CIB1: variants seen among roughly 807,000 people sequenced by gnomAD.
CIB1 encodes calcium and integrin-binding protein 1.
A neutral mutation model predicts 25.0 loss-of-function variants in CIB1; 19 were observed. The ratio of observed to expected loss-of-function variants is 0.76; its 90% CI spans 0.53 to 1.12. The LOEUF is 1.12. Among genes scored for constraint, CIB1 ranks in the 50% most tolerant of loss-of-function variants. The pLI is 0.00. For synonymous variants in CIB1, 104 were observed against 98.5 expected, an observed-to-expected ratio of 1.06 and a Z score of -0.33; for missense variants, 236 against 242.6, an observed-to-expected ratio of 0.97 and a Z score of 0.18.
the CIB1 span, chr15:90,242,084 A>G: frequency 6.4e-7 from 1 of 1,571,996 alleles, no homozygotes; most frequent in Non-Finnish European, 8.6e-7. Context: ...GGATGTATTT[A>G]TGTTCTTTTT....
the CIB1 span, chr15:90,256,039 G>T: frequency 1.9e-6 from 3 of 1,553,416 alleles, no homozygotes; most frequent in Non-Finnish European, 2.6e-6. Flanking sequence ...GAGACTGAGT[G>T]CTCCAGGAAG....
chr15:90,233,717 C>T lies in CIB1; in HGVS notation c.52-14G>A, dbSNP rs1775545121. On this transcript the variant is annotated splice_polypyrimidine_tract_variant and intron_variant, in intron 1 of 6. Transcript: ENST00000328649. ...GAACGTCAAGTCCTGGAAGGCAAAG[C>T]CAGAGCGGGGATTAGCGGACCGCTG... 1.9e-6 allele frequency: 3 copies of T among 1,569,252 alleles called. No individual in the cohort carries two copies. Among genetic ancestry groups the T allele is most frequent in the Middle Eastern group, 1.7e-4 (1 of 5,774 alleles).
the CIB1 span, chr15:90,263,825 C>T: frequency 2.7e-6 from 2 of 734,282 alleles, no homozygotes; most frequent in Admixed American, 2.0e-5. Flanking sequence ...GGGGCTGCCA[C>T]AGAGCAGGGC....
At position 90,233,658 on chromosome 15, in the gene CIB1, G is replaced by A; in HGVS notation, c.86+11C>T. On this transcript the variant is annotated intron_variant, in intron 2 of 6. Coordinates refer to ENST00000328649, the MANE Select transcript of CIB1 (RefSeq NM_006384.4). Reference sequence around the variant, plus strand: ...CCCGGGGTCGGAGGCAGGGTTCAAGGCAGCACTTACAGGAGGATCTCCTGC... The same window carrying A: ...CCCGGGGTCGGAGGCAGGGTTCAAGACAGCACTTACAGGAGGATCTCCTGC... 1 of 1,575,120 alleles carries A rather than the reference G, an allele frequency of 6.3e-7. No homozygotes were observed. The highest frequency in any genetic ancestry group is 8.6e-7 in the Non-Finnish European group (1 of 1,160,030).
chr15:90,256,552 T>TCTTTCTCTTTCTTTCTTC, the CIB1 span, among the ~76,000 whole-genome samples: 1 of 26,508 alleles, frequency 3.8e-5, no homozygotes, highest in African/African-American at 1.8e-4. Flanking sequence ...CCTTTTTCTT[T>TCTTTCTCTTTCTTTCTTC]CTTTCTTTCT....
At chr15:90,243,422 CT>C in the CIB1 span, 3 of 152,204 alleles carry the variant, frequency 2.0e-5, no homozygotes, top group Non-Finnish European at 4.4e-5. Flanking sequence ...TCACAGCTCA[CT>C]GCAGACCCAA....
the CIB1 span, chr15:90,262,055 T>TA: frequency 1.2e-4 from 177 of 1,535,868 alleles, no homozygotes; most frequent in Admixed American, 3.3e-4. Context: ...CCAGGAACGA[T>TA]ATGAGGATTC....
At position 90,232,086 on chromosome 15, in the gene CIB1, C is replaced by T. The variant is rs61377466; in HGVS notation, c.195+133G>A. The T allele has an allele frequency of 8.1e-3, 5,566 of 688,578 alleles. 199 individuals carry two copies. Among genetic ancestry groups the T allele is most frequent in the African/African-American group, 0.079 (4,414 of 55,528 alleles). 42.7% of individuals were successfully genotyped at this position (688,578 alleles called of 1,614,324 possible). ...GGTAAAGTCCTTGCCCCTAGAAAAT[C>T]AGAACTAAGCAGAAAAATGACCAGA... On this transcript the variant is annotated intron_variant, in intron 3 of 6. Coordinates refer to ENST00000328649, the MANE Select transcript of CIB1 (RefSeq NM_006384.4).
the CIB1 span, chr15:90,253,275 C>A: frequency 3.1e-6 from 5 of 1,613,938 alleles, no homozygotes; most frequent in Non-Finnish European, 4.2e-6. Context: ...AATGTGTGGC[C>A]TGAAGGAGGT....
the CIB1 span, among the ~76,000 whole-genome samples, chr15:90,259,743 A>C: frequency 6.6e-6 from 1 of 152,218 alleles, no homozygotes; most frequent in African/African-American, 2.4e-5. Context: ...ACTTTGTCAT[A>C]AAGAAACACA....
At chr15:90,236,014 A>G (rs1204254319), upstream of CIB1, 2 of 152,076 alleles carry the variant, frequency 1.3e-5, no homozygotes, top group African/African-American at 4.8e-5. Context: ...CAAGGCGAAT[A>G]CCTGGACTGC....
At chr15:90,234,064 C>T (rs1183671448), upstream of CIB1, 24 of 684,328 alleles carry the variant, frequency 3.5e-5, no homozygotes, top group Non-Finnish European at 5.4e-5. Context: ...GGCAGGCGAG[C>T]TGCCGGCTCC....
At chr15:90,243,922 G>A in the CIB1 span, 1 of 150,432 alleles carries the variant, frequency 6.6e-6, no homozygotes, top group Non-Finnish European at 1.5e-5. Flanking sequence ...TTATAGGCAT[G>A]AGCCACTGCA....
chr15:90,261,123 G>A, the CIB1 span, among the ~76,000 whole-genome samples: 1 of 144,402 alleles, frequency 6.9e-6, no homozygotes, highest in Admixed American at 7.1e-5. Flanking sequence ...CTGTCATCTA[G>A]GCTGGAGTGC....
At chr15:90,250,010 T>G in the CIB1 span, among the ~76,000 whole-genome samples, 1 of 151,788 alleles carries the variant, frequency 6.6e-6, no homozygotes, top group African/African-American at 2.4e-5. Flanking sequence ...CAGGCTGGAG[T>G]GCAGTGGTGT....
At chr15:90,255,753 A>T in the CIB1 span, 6 of 1,614,190 alleles carry the variant, frequency 3.7e-6, no homozygotes, top group Non-Finnish European at 5.1e-6. Flanking sequence ...GCTGTGTTTC[A>T]GAAAATCAAC....
the CIB1 span, chr15:90,258,172 G>A: frequency 6.2e-7 from 1 of 1,614,240 alleles, no homozygotes; most frequent in African/African-American, 1.3e-5. Context: ...TACCGAACCT[G>A]TTTTCCCCAG....
the CIB1 span, chr15:90,263,884 A>G: frequency 9.0e-7 from 1 of 1,112,266 alleles, no homozygotes; most frequent in Non-Finnish European, 1.3e-6. Flanking sequence ...AATCCCCAGG[A>G]TCTTAGGGGC....
the CIB1 span, chr15:90,264,852 C>G: frequency 3.9e-6 from 6 of 1,535,926 alleles, no homozygotes; most frequent in South Asian, 3.6e-5. Flanking sequence ...ACTGAATGCA[C>G]CTTGCCCTCC....
Sources: gnomAD v4.1 joint callset for allele counts (sites outside exome capture counted in the v4.1 genomes callset) on GRCh38, gnomAD v4.1.1 for gene constraint, MANE v1.5 for transcripts, NCBI Gene and HGNC (gene_info 2026-07-23, HGNC 2026-07-21) for gene names.